Variants in KLHL5 observed in about 807,000 individuals in gnomAD.
The protein encoded by KLHL5 is kelch-like protein 5.
Under a neutral mutation model 77.7 loss-of-function variants are expected in KLHL5, and 48 were observed. That is an observed-to-expected ratio of 0.62 (90% CI 0.49 to 0.79). The LOEUF (loss-of-function observed/expected upper bound fraction) is 0.79. Among genes scored for constraint, KLHL5 ranks in the 30% least tolerant of loss-of-function variants. The pLI, the probability that KLHL5 is intolerant of heterozygous loss-of-function variation, is 0.00. For missense variants in KLHL5, 723 were observed against 859.7 expected (o/e 0.84, Z 1.99); for synonymous variants, 260 against 297.0 (o/e 0.88, Z 1.28).
the KLHL5 span, among the ~76,000 whole-genome samples, chr4:39,141,513 G>A: frequency 6.6e-5 from 10 of 151,962 alleles, no homozygotes; most frequent in Admixed American, 2.0e-4. Context: ...GAATTTCACC[G>A]TGTTAGCCAG....
At position 39,122,265 on chromosome 4, in the gene KLHL5, AAAT is replaced by A. The variant is rs559210638; in HGVS notation, c.*1204_*1206del. ...CCCCAGTTAATAACCACCTTACGGA[AAAT>A]AATATTTGCTAATATTGTTTATTGT... is the stretch of plus-strand genomic sequence containing the variant. On this transcript the variant is annotated 3_prime_UTR_variant, in exon 11 of 11. Coordinates refer to ENST00000504108, the MANE Select transcript of KLHL5 (RefSeq NM_015990.5). The A allele has an allele frequency of 4.1e-4, 62 of 152,376 alleles. 1 individual carries two copies. Among genetic ancestry groups the A allele is most frequent in the African/African-American group, 1.4e-3 (59 of 41,584 alleles). The allele number at this position is 152,376 out of a possible 1,614,324, so 9.4% of individuals were successfully genotyped here.
At chr4:39,093,568 A>G (rs1252885780) in intron 5 of KLHL5, 1 of 372,568 alleles carries the variant, frequency 2.7e-6, no homozygotes, top group African/African-American at 2.1e-5. Context: ...ATACACTCTG[A>G]CCAGAAAGGT....
At chr4:39,105,726 G>A (rs572860857) in intron 7 of KLHL5, among the ~76,000 whole-genome samples, 1 of 107,522 alleles carries the variant, frequency 9.3e-6, no homozygotes, top group African/African-American at 3.8e-5. Flanking sequence ...ATATATGTGT[G>A]TATATATGTA....
At chr4:39,092,101 A>C (rs188414454) in intron 5 of KLHL5, among the ~76,000 whole-genome samples, 3 of 152,234 alleles carry the variant, frequency 2.0e-5, no homozygotes, top group Admixed American at 1.3e-4. Flanking sequence ...AGTGAGGATA[A>C]AAATTTACAA....
chr4:39,123,073 C>A lies in KLHL5; in HGVS notation c.*2007C>A, dbSNP rs1245441048. ...ATGAATTGCATGGTATTTTAGGCAA[C>A]TTAACTATAAACAAATTTATTCATA... On this transcript the variant is annotated 3_prime_UTR_variant, in exon 11 of 11. Coordinates refer to ENST00000504108, the MANE Select transcript of KLHL5 (RefSeq NM_015990.5). Among the ~76,000 whole-genome samples the A allele has an allele frequency of 6.6e-6, 1 of 152,080 alleles. No homozygotes were observed. The highest frequency in any genetic ancestry group is 1.5e-5 in the Non-Finnish European group (1 of 68,012).
chr4:39,045,197 AGC>A (rs1716071474), intron 1 of KLHL5: 1 of 980,826 alleles, frequency 1.0e-6, no homozygotes, highest in Admixed American at 6.2e-5. Context: ...GGCCTCCCGG[AGC>A]GCGCGGGGCG....
At chr4:39,115,656 AC>A (rs1722782463) in intron 10 of KLHL5, 1 of 1,328,650 alleles carries the variant, frequency 7.5e-7, no homozygotes, top group Admixed American at 3.6e-5. Flanking sequence ...GAAAATAAAA[AC>A]AAGGATAGTA....
chr4:39,064,360 G>A (rs1332608201), intron 1 of KLHL5, among the ~76,000 whole-genome samples: 3 of 151,820 alleles, frequency 2.0e-5, no homozygotes, highest in Non-Finnish European at 3.0e-5. Flanking sequence ...GAGCTAATGT[G>A]GTTCATTGTT....
chr4:39,047,879 G>A (rs962957804), intron 1 of KLHL5, among the ~76,000 whole-genome samples: 7 of 152,218 alleles, frequency 4.6e-5, no homozygotes, highest in Non-Finnish European at 8.8e-5. Context: ...TGGAAAGAGC[G>A]AAGATTTGAA....
At chr4:39,117,180 A>C (rs1722902240) in intron 10 of KLHL5, among the ~76,000 whole-genome samples, 1 of 152,140 alleles carries the variant, frequency 6.6e-6, no homozygotes, top group Admixed American at 6.5e-5. Flanking sequence ...ACGCACCTGT[A>C]GTCCTATCTA....
intron 1 of KLHL5, among the ~76,000 whole-genome samples, chr4:39,056,919 T>C (rs1717046826): frequency 6.6e-6 from 1 of 152,220 alleles, no homozygotes; most frequent in South Asian, 2.1e-4. Context: ...CCCTTTCAGA[T>C]CTTGTTGCTT....
At chr4:39,118,756 C>CA (rs1040948148) in intron 10 of KLHL5, among the ~76,000 whole-genome samples, 2,324 of 140,654 alleles carry the variant, frequency 0.017, 57 homozygotes, top group African/African-American at 0.056. Flanking sequence ...AACTCCCTCT[C>CA]AAAAAAAAAA....
intron 8 of KLHL5, among the ~76,000 whole-genome samples, chr4:39,111,766 A>G (rs1326595152): frequency 6.6e-6 from 1 of 152,306 alleles, no homozygotes; most frequent in African/African-American, 2.4e-5. Flanking sequence ...TACTATTAAT[A>G]TAGTTTAAGT....
chr4:39,068,670 A>ACAGTTGACCTTTTAAACTCCAAATTGTTT (rs1718129180), intron 1 of KLHL5, among the ~76,000 whole-genome samples: 2 of 152,214 alleles, frequency 1.3e-5, no homozygotes, highest in African/African-American at 2.4e-5. Context: ...CTACAGTTAC[A>ACAGTTGACCTTTTAAACTCCAAATTGTTT]CAGTTGACCT....
Position 39,055,993 on chromosome 4 carries a change from A to G in KLHL5, c.-94-6566A>G, listed in dbSNP as rs114296058. Among the ~76,000 whole-genome samples the G allele has an allele frequency of 1.1e-3, 163 of 152,302 alleles. 1 individual carries two copies. The highest frequency in any genetic ancestry group is 3.8e-3 in the African/African-American group (158 of 41,558). On this transcript the variant is annotated intron_variant, in intron 1 of 11. Transcript: ENST00000261425. Reference sequence around the variant, plus strand: ...ATACACAAAGAAATAAAATCCCTATATTACATGGCTTTTACCATGAAGTCA... The same window carrying G: ...ATACACAAAGAAATAAAATCCCTATGTTACATGGCTTTTACCATGAAGTCA...
Position 39,081,907 on chromosome 4 carries a change from T to G in KLHL5, c.704-56T>G. ...CCACTACTGTTAACATCAATTATTT[T>G]ATAAAATAAGGTTAATGTAGTTCCA... On this transcript the variant is annotated intron_variant, in intron 3 of 10. Transcript: ENST00000504108. This position sits in a 1 kb window ranked among gnomAD's most constrained non-coding sequence, Gnocchi z 4.3. 1.6e-6 allele frequency: 2 copies of G among 1,284,858 alleles called. No homozygotes were observed. Among genetic ancestry groups the G allele is most frequent in the Non-Finnish European group, 2.1e-6 (2 of 936,262 alleles). 79.6% of individuals were successfully genotyped at this position (1,284,858 alleles called of 1,614,324 possible).
upstream of KLHL5, among the ~76,000 whole-genome samples, chr4:39,061,246 C>A (rs894315831): frequency 1.3e-5 from 2 of 152,258 alleles, no homozygotes; most frequent in Admixed American, 1.3e-4. Flanking sequence ...AAGATAGACA[C>A]CTCACAATAT....
chr4:39,106,097 G>A lies in KLHL5; in HGVS notation c.1526-1472G>A, dbSNP rs146547050. The stretch of plus-strand genomic sequence containing the variant: ...GATAAGATCAGAGTCCTTATCTGCA[G>A]TCTCTGACTGTCCTGCATGATCTGG... On this transcript the variant is annotated intron_variant, in intron 7 of 10. Transcript: ENST00000504108. Among the ~76,000 whole-genome samples the A allele has an allele frequency of 2.2e-3, 336 of 152,190 alleles. 1 individual carries two copies. Among genetic ancestry groups the A allele is most frequent in the African/African-American group, 7.3e-3 (304 of 41,520 alleles).
At chr4:39,085,313 A>C (rs1393302434) in intron 4 of KLHL5, among the ~76,000 whole-genome samples, 2 of 152,180 alleles carry the variant, frequency 1.3e-5, no homozygotes, top group East Asian at 3.8e-4. Context: ...TACTGATAGG[A>C]ATGTCAAGCT....
Sources: allele counts gnomAD v4.1 joint callset (sites outside exome capture counted in the v4.1 genomes callset), GRCh38; gene constraint gnomAD v4.1.1; non-coding constraint Gnocchi (gnomAD v3.1); transcripts MANE v1.5; gene names NCBI Gene and HGNC (gene_info 2026-07-23, HGNC 2026-07-21).